The following NHSL2 variants were observed in gnomAD, a reference collection of about 807,000 sequenced individuals.
The protein encoded by NHSL2 is NHS-like protein 2.
In NHSL2, 27 loss-of-function variants were observed where a neutral mutation model predicts 53.4. That is an observed-to-expected ratio of 0.51 (90% CI 0.37 to 0.70). The LOEUF (loss-of-function observed/expected upper bound fraction) is 0.70, where lower values mean the gene tolerates loss of function less well. Among genes scored for constraint, NHSL2 ranks in the 30% least tolerant of loss-of-function variants. The pLI, the probability that NHSL2 is intolerant of heterozygous loss-of-function variation, is 0.00. For missense variants in NHSL2, 892 were observed against 980.1 expected, an observed-to-expected ratio of 0.91 and a Z score of 1.20; for synonymous variants, 408 against 404.1, an observed-to-expected ratio of 1.01 and a Z score of -0.12.
Position 71,983,442 on chromosome X carries a change from A to T in NHSL2, c.280+72075A>T, listed in dbSNP as rs1384063269. On this transcript the variant is annotated intron_variant, in intron 1 of 7. Coordinates refer to ENST00000633930, the MANE Select transcript of NHSL2 (RefSeq NM_001013627.3). ...CAACATAGTGAGACCCCACCTCTACAAAAAAAAAAAAAATTAAAATTAGCC... is the reference window on the plus strand; with the variant it reads ...CAACATAGTGAGACCCCACCTCTACTAAAAAAAAAAAAATTAAAATTAGCC... 4.6e-4 allele frequency among the ~76,000 whole-genome samples: 7 copies of T among 15,286 alleles called. No homozygotes were observed. In the Non-Finnish European group the frequency reaches 7.7e-3, roughly 17 times the overall value. 13.3% of individuals were successfully genotyped at this position (15,286 alleles called of 115,157 possible). A position where few individuals can be genotyped will look rare whatever the true frequency, so the allele number is the denominator to read the frequency against.
rs762873396 is a variant in NHSL2 at position 72,117,478 on chromosome X, A to G, written c.281-14601A>G. Among the ~76,000 whole-genome samples, 7 of 108,994 alleles carry G rather than the reference A, an allele frequency of 6.4e-5. No individual in the cohort carries two copies. The South Asian group carries it at 2.9e-3, about 45-fold the overall frequency. 94.6% of individuals were successfully genotyped at this position (108,994 alleles called of 115,157 possible). On this transcript the variant is annotated intron_variant, in intron 1 of 7. Coordinates refer to ENST00000633930, the MANE Select transcript of NHSL2 (RefSeq NM_001013627.3). ...CACACAATTCATCCATTTGAAGCAT[A>G]CAATTCACTGGGTTTTAATATATCC...
At chrX:72,004,477 G>GCGGAGAGGGATGGCCA (rs1241936887) in intron 1 of NHSL2, among the ~76,000 whole-genome samples, 1 of 111,810 alleles carries the variant, frequency 8.9e-6, no homozygotes, top group Non-Finnish European at 1.9e-5. Context: ...GGTTTCCGGA[G>GCGGAGAGGGATGGCCA]CGGAGAGGGA....
intron 1 of NHSL2, among the ~76,000 whole-genome samples, chrX:72,083,001 A>G (rs1015473300): frequency 8.9e-6 from 1 of 112,160 alleles, no homozygotes; most frequent in Admixed American, 9.4e-5. Flanking sequence ...GCTAACACTA[A>G]CCACCTCTGT....
chrX:72,102,462 A>G (rs1022101941), intron 1 of NHSL2, among the ~76,000 whole-genome samples: 5 of 111,312 alleles, frequency 4.5e-5, no homozygotes, highest in African/African-American at 1.6e-4. Flanking sequence ...TCATTTCACC[A>G]CTCTTAAGAT....
At chrX:72,103,141 T>G (rs1428123606) in intron 1 of NHSL2, among the ~76,000 whole-genome samples, 1 of 112,162 alleles carries the variant, frequency 8.9e-6, no homozygotes, top group African/African-American at 3.2e-5. Context: ...CAAGCCCAGG[T>G]AGCTCCTCTT....
intron 1 of NHSL2, among the ~76,000 whole-genome samples, chrX:71,943,338 A>G (rs906183763): frequency 8.9e-6 from 1 of 112,025 alleles, no homozygotes; most frequent in Non-Finnish European, 1.9e-5. Flanking sequence ...CATCCAATTC[A>G]TCTTCCTTAA....
chrX:71,992,732 C>A (rs2042033011), intron 1 of NHSL2, among the ~76,000 whole-genome samples: 1 of 112,371 alleles, frequency 8.9e-6, no homozygotes, highest in African/African-American at 3.2e-5. Flanking sequence ...CACTTAAGAT[C>A]ATTGCGGCTG....
At chrX:71,941,060 TCTC>T (rs760941517) in intron 1 of NHSL2, among the ~76,000 whole-genome samples, 2 of 111,604 alleles carry the variant, frequency 1.8e-5, no homozygotes, top group Non-Finnish European at 3.8e-5. Flanking sequence ...GACTCATAAT[TCTC>T]CTACTCTCTG....
At chrX:71,940,937 G>A (rs1001452566) in intron 1 of NHSL2, among the ~76,000 whole-genome samples, 2 of 112,015 alleles carry the variant, frequency 1.8e-5, no homozygotes, top group Admixed American at 9.4e-5. Context: ...GGAGCAGAAA[G>A]GGTAGACATT....
At position 72,021,060 on chromosome X, in the gene NHSL2, TACACACACACACAC is replaced by T. The variant is rs68122154; in HGVS notation, c.280+109709_280+109722del. On this transcript the variant is annotated intron_variant, in intron 1 of 7. Coordinates refer to ENST00000633930, the MANE Select transcript of NHSL2 (RefSeq NM_001013627.3). ...GTGTACACACACACACGCGTGCGCA[TACACACACACACAC>T]ACACACACACACACAAATATTGAGG... Among the ~76,000 whole-genome samples the T allele has an allele frequency of 2.3e-4, 25 of 106,652 alleles. No homozygotes were observed. In the East Asian group the frequency reaches 3.3e-3, roughly 14 times the overall value. The allele number at this position is 106,652 out of a possible 115,157, so 92.6% of individuals were successfully genotyped here. A position where few individuals can be genotyped will look rare whatever the true frequency, so the allele number is the denominator to read the frequency against.
intron 1 of NHSL2, among the ~76,000 whole-genome samples, chrX:72,105,243 C>T (rs1261362060): frequency 9.1e-6 from 1 of 110,392 alleles, no homozygotes; most frequent in Non-Finnish European, 1.9e-5. Context: ...GGACCAACAC[C>T]TCTGGTAGCT....
Position 72,137,235 on chromosome X carries a change from C to T in NHSL2, c.892+10C>T. ...TCCCAGCGAGACCAAGGTGACCCCACCACAGCTGATTCCCCAGTCCCTTCC... is the reference window on the plus strand; with the variant it reads ...TCCCAGCGAGACCAAGGTGACCCCATCACAGCTGATTCCCCAGTCCCTTCC... On this transcript the variant is annotated intron_variant, in intron 5 of 7. Coordinates refer to ENST00000633930, the MANE Select transcript of NHSL2 (RefSeq NM_001013627.3). 8.6e-7 allele frequency: 1 copy of T among 1,159,413 alleles called. No individual in the cohort carries two copies. Among genetic ancestry groups the T allele is most frequent in the South Asian group, 1.9e-5 (1 of 52,134 alleles).
chrX:71,944,072 T>G (rs2041781341), intron 1 of NHSL2, among the ~76,000 whole-genome samples: 1 of 112,127 alleles, frequency 8.9e-6, no homozygotes, highest in Non-Finnish European at 1.9e-5. Flanking sequence ...CTCTCCACAC[T>G]CTTGAGTATA....
At chrX:71,951,352 C>T (rs745325628) in intron 1 of NHSL2, among the ~76,000 whole-genome samples, 1 of 111,528 alleles carries the variant, frequency 9.0e-6, no homozygotes, top group Non-Finnish European at 1.9e-5. Flanking sequence ...CAGCCAAGTC[C>T]CTGCTTTCAA....
rs10637913 is a variant in NHSL2, at chrX:72,075,901, A to AGTGTGTGT, written c.281-56157_281-56150dup. Among the ~76,000 whole-genome samples the AGTGTGTGT allele has an allele frequency of 7.4e-3, 687 of 93,358 alleles. 10 individuals carry two copies. The highest frequency in any genetic ancestry group is 0.02 in the African/African-American group (513 of 25,382). 81.1% of individuals were successfully genotyped at this position (93,358 alleles called of 115,157 possible). On this transcript the variant is annotated intron_variant, in intron 1 of 7. Coordinates refer to ENST00000633930, the MANE Select transcript of NHSL2 (RefSeq NM_001013627.3). ...TGTGGAGGGGGTCTTGGGGGAGCAC[A>AGTGTGTGT]GTGTGTGTGTGTGTGTGTGTGTGTG...
intron 1 of NHSL2, among the ~76,000 whole-genome samples, chrX:72,024,540 C>T (rs1416729083): frequency 8.9e-6 from 1 of 112,439 alleles, no homozygotes; most frequent in Non-Finnish European, 1.9e-5. Context: ...TTCATCCTCA[C>T]AGGTACCTTC....
chrX:72,074,042 G>C lies in NHSL2; in HGVS notation c.281-58037G>C, dbSNP rs878980260. Among the ~76,000 whole-genome samples the C allele has an allele frequency of 2.7e-5, 3 of 112,383 alleles. No homozygotes were observed. The Admixed American group carries it at 2.8e-4, about 11-fold the overall frequency. On this transcript the variant is annotated intron_variant, in intron 1 of 7. Transcript: ENST00000633930. ...ATTCCTGAGGTAATAAGAAAGTAGA[G>C]GATTCTTGAATTTAAGCCTAAACCA... is the stretch of plus-strand genomic sequence containing the variant.
At chrX:72,041,864 T>C (rs1288910168) in intron 1 of NHSL2, among the ~76,000 whole-genome samples, 4 of 112,298 alleles carry the variant, frequency 3.6e-5, no homozygotes, top group Non-Finnish European at 7.5e-5. Flanking sequence ...CTATAAATTC[T>C]CTGCAGGCCA....
intron 1 of NHSL2, among the ~76,000 whole-genome samples, chrX:72,048,381 T>C (rs1293922050): frequency 9.0e-6 from 1 of 110,621 alleles, no homozygotes; most frequent in African/African-American, 3.3e-5. Flanking sequence ...TTTAGAAAAG[T>C]TGAAGGACAT....
Sources: gnomAD v4.1 joint callset for allele counts (sites outside exome capture counted in the v4.1 genomes callset) on GRCh38, gnomAD v4.1.1 for gene constraint, MANE v1.5 for transcripts, NCBI Gene and HGNC (gene_info 2026-07-23, HGNC 2026-07-21) for gene names.